MICALL2: variants seen among roughly 807,000 people sequenced by gnomAD.
MICALL2 encodes MICAL-like protein 2.
MICALL2 carries 111 observed loss-of-function variants against 91.1 expected under a neutral mutation model. That is an observed-to-expected ratio of 1.22 (90% CI 1.04 to 1.43). MICALL2 has a LOEUF of 1.43. Ranked by LOEUF, MICALL2 falls within the 40% of genes most tolerant of loss-of-function variation. The pLI is 0.00. For synonymous variants in MICALL2, 694 were observed against 525.3 expected, an observed-to-expected ratio of 1.32 and a Z score of -4.39; for missense variants, 1,556 against 1,236.0, an observed-to-expected ratio of 1.26 and a Z score of -3.88.
rs557306111 is a variant in MICALL2, at chr7:1,450,560, G to A, written c.144-272C>T. On this transcript the variant is annotated intron_variant, in intron 1 of 16. Coordinates refer to ENST00000297508, the MANE Select transcript of MICALL2 (RefSeq NM_182924.4). ...CAGGCCGCCCCTCACCAGTGCTCCT[G>A]CCACAGTCAGAGGTGGCAGGAAGCA... is the stretch of plus-strand genomic sequence containing the variant. The A allele has an allele frequency of 2.8e-5, 12 of 423,936 alleles. No homozygotes were observed. The South Asian group carries it at 2.8e-4, about 10-fold the overall frequency. 26.3% of individuals were successfully genotyped at this position (423,936 alleles called of 1,614,324 possible).
rs117477327 is a variant in MICALL2, at chr7:1,441,233, C to T, written c.1712-549G>A. 878 of 160,262 alleles carry T rather than the reference C, an allele frequency of 5.5e-3. 4 individuals are homozygous for T. Among genetic ancestry groups the T allele is most frequent in the Non-Finnish European group, 9.4e-3 (677 of 72,182 alleles). 9.9% of individuals were successfully genotyped at this position (160,262 alleles called of 1,614,324 possible). ...GCCAGTTTCCTGCAGTGGGGCGAGG[C>T]GGGGGGACTCGGCTGCCCCCAGGTT... On this transcript the variant is annotated intron_variant, in intron 7 of 16. Coordinates refer to ENST00000297508, the MANE Select transcript of MICALL2 (RefSeq NM_182924.4).
intron 3 of MICALL2, 185 bp from the exon 4 acceptor site, chr7:1,447,950 T>C: frequency 2.3e-6 from 1 of 439,488 alleles, no homozygotes; most frequent in Non-Finnish European, 4.0e-6. Flanking sequence ...CCCCACTCCT[T>C]CCCTCCCCAC....
chr7:1,440,055 C>G lies in MICALL2; in HGVS notation c.1836G>C (p.Leu612=). The G allele has an allele frequency of 1.9e-6, 3 of 1,586,414 alleles. No individual in the cohort carries two copies. The highest frequency in any genetic ancestry group is 2.3e-5 in the South Asian group (2 of 86,968). Residue 612 remains leucine, a synonymous_variant, in exon 9 of 17, where the codon CTG becomes CTC. Transcript: ENST00000297508. ...GGGCCTCCCCCGCCCTCGGCTCTGC[C>G]AGGGCCCGTGGTTCCTTGGGCTTCA... The part of the protein sequence containing the change: ...RTLKPKEPRA[L]AEPRAGEAPR...
chr7:1,455,760 G>T (rs111819409), intron 1 of MICALL2, among the ~76,000 whole-genome samples: 1 of 152,082 alleles, frequency 6.6e-6, no homozygotes, highest in African/African-American at 2.4e-5. Context: ...TGCTCTCTGC[G>T]TGCAGCAGGA....
chr7:1,445,842 G>GGTCCCC (rs1780549392), intron 5 of MICALL2, among the ~76,000 whole-genome samples: 3 of 152,236 alleles, frequency 2.0e-5, no homozygotes, highest in East Asian at 3.9e-4. Context: ...CAGCCTTGCA[G>GGTCCCC]AGCTGGGGAC....
chr7:1,453,397 C>T (rs1780905463), intron 1 of MICALL2, among the ~76,000 whole-genome samples: 1 of 152,104 alleles, frequency 6.6e-6, no homozygotes, highest in Non-Finnish European at 1.5e-5. Context: ...CACCCCAGAG[C>T]CAAGGAGAGA....
chr7:1,458,286 G>A (rs2128527214), intron 1 of MICALL2, among the ~76,000 whole-genome samples: 3 of 152,286 alleles, frequency 2.0e-5, no homozygotes, highest in Non-Finnish European at 4.4e-5. Flanking sequence ...CCTGACAGAG[G>A]CCCCAGGTGC....
intron 1 of MICALL2, 47 bp downstream of exon 1, chr7:1,459,137 G>T: frequency 6.4e-7 from 1 of 1,562,898 alleles, no homozygotes; most frequent in Non-Finnish European, 8.7e-7. Context: ...CCGTGTCAGC[G>T]CGCAGCCGAA....
chr7:1,454,752 C>G (rs908521830), intron 1 of MICALL2, among the ~76,000 whole-genome samples: 4 of 152,136 alleles, frequency 2.6e-5, no homozygotes, highest in Non-Finnish European at 5.9e-5. Flanking sequence ...GAAGTGAGGG[C>G]ACTGCCTGGG....
At chr7:1,447,918 T>C (rs1351649870) in intron 3 of MICALL2, 153 bp from the exon 4 acceptor site, 1 of 535,148 alleles carries the variant, frequency 1.9e-6, no homozygotes, top group African/African-American at 2.0e-5. Context: ...GGGCACTTTT[T>C]CTGGCACAGC....
Position 1,452,260 on chromosome 7 carries a change from G to A in MICALL2, c.144-1972C>T, listed in dbSNP as rs955179560. 2.6e-5 allele frequency among the ~76,000 whole-genome samples: 4 copies of A among 152,190 alleles called. No individual in the cohort carries two copies. Among genetic ancestry groups the A allele is most frequent in the African/African-American group, 7.2e-5 (3 of 41,450 alleles). On this transcript the variant is annotated intron_variant, in intron 1 of 16. Transcript: ENST00000297508. The surrounding 1 kb of genome is among the most constrained non-coding windows in gnomAD (Gnocchi z 6.2). ...CCCTGGGCTCAGTGGCAGCGAAAGC[G>A]GTTTCCGTCTGCTCGGGCCTGGGCC...
At chr7:1,435,732 C>T (rs976373016) in intron 15 of MICALL2, among the ~76,000 whole-genome samples, 4 of 152,210 alleles carry the variant, frequency 2.6e-5, no homozygotes, top group East Asian at 1.9e-4. Flanking sequence ...AGCCAGGAGA[C>T]GCACGTGGCC....
At chr7:1,439,687 GCA>G (rs1226414395) in intron 9 of MICALL2, 10 of 417,094 alleles carry the variant, frequency 2.4e-5, no homozygotes, top group South Asian at 7.8e-5. Flanking sequence ...GTACACATGC[GCA>G]CACATGCATC....
chr7:1,445,194 G>A lies in MICALL2; in HGVS notation c.876C>T (p.Gly292=), dbSNP rs1203521255. ...ARPSAWEPAA[G]NSPARASVPA... Reference sequence around the variant, plus strand: ...GAACGGAAGCCCTGGCAGGCGAGTTGCCCGCAGCAGGCTCCCAGGCCGACG... The same window carrying A: ...GAACGGAAGCCCTGGCAGGCGAGTTACCCGCAGCAGGCTCCCAGGCCGACG... The change falls in exon 6 of 17, where the codon GGC becomes GGT. Residue 292 remains glycine, a synonymous_variant. Transcript: ENST00000297508. 6.3e-7 allele frequency: 1 copy of A among 1,596,812 alleles called. No individual in the cohort carries two copies. Among genetic ancestry groups the A allele is most frequent in the South Asian group, 1.1e-5 (1 of 88,722 alleles).
chr7:1,437,561 T>C lies in MICALL2; in HGVS notation c.2450A>G (p.Glu817Gly). Residue 817 changes from glutamate to glycine, a missense_variant, in exon 14 of 17, where the codon GAG (glutamate) becomes GGG (glycine). By Grantham distance (98) the Glu-to-Gly change is moderately conservative (BLOSUM62 -2). Transcript: ENST00000297508. Reference sequence around the variant, plus strand: ...GGGCTTGGCCATGAGCCGGCGCAGCTCGCCCTCGATGTCCAGCTGCTGCTC... The same window carrying C: ...GGGCTTGGCCATGAGCCGGCGCAGCCCGCCCTCGATGTCCAGCTGCTGCTC... ...LEEQQLDIEGELRRLMAKPEA... is the reference protein window; with the variant it reads ...LEEQQLDIEGGLRRLMAKPEA... 1 of 1,533,134 alleles carries C rather than the reference T, an allele frequency of 6.5e-7. No homozygotes were observed. 95.0% of individuals were successfully genotyped at this position (1,533,134 alleles called of 1,614,324 possible).
chr7:1,438,912 G>T lies in MICALL2; in HGVS notation c.2050C>A (p.Pro684Thr), dbSNP rs755669289. The change falls in exon 10 of 17, where the codon CCC (proline) becomes ACC (threonine). Residue 684 changes from proline to threonine, a missense_variant. Physicochemically the swap from Pro to Thr is conservative, Grantham distance 38. Transcript: ENST00000297508. ...DVCDNWLRPE[P>T]PGQEARVQSW... Reference sequence around the variant, plus strand: ...TGCACTCGGGCTTCCTGGCCAGGGGGCTCCGGCCGAAGCCAGTTGTCACAA... The same window carrying T: ...TGCACTCGGGCTTCCTGGCCAGGGGTCTCCGGCCGAAGCCAGTTGTCACAA... 9 of 1,609,096 alleles carry T rather than the reference G, an allele frequency of 5.6e-6. No homozygotes were observed. The Admixed American group carries it at 1.5e-4, about 27-fold the overall frequency.
intron 9 of MICALL2, 102 bp from the exon 10 acceptor site, chr7:1,439,097 TC>T: frequency 1.1e-6 from 1 of 947,928 alleles, no homozygotes; most frequent in Admixed American, 2.5e-5. Context: ...AGCCCGGCCA[TC>T]CCCATGCCCT....
intron 14 of MICALL2, chr7:1,437,070 C>T (rs750728764): frequency 3.7e-5 from 18 of 493,144 alleles, no homozygotes; most frequent in Admixed American, 1.6e-4. Flanking sequence ...CCCATCATCT[C>T]GCAGAAACAC....
chr7:1,436,756 G>A lies in MICALL2; in HGVS notation c.2577C>T (p.Asp859=), dbSNP rs1046703226. ...NDRSDIVDSL[D]EDRLREQEED... ...CTGCCCCTCACCGGAGCCGGTCCTC[G>A]TCCAGCGAGTCCACGATGTCACTGC... is the stretch of plus-strand genomic sequence containing the variant. The change falls in exon 15 of 17, where the codon GAC becomes GAT. Residue 859 remains aspartate (D), a synonymous_variant. Transcript: ENST00000297508. 1.4e-5 allele frequency: 23 copies of A among 1,606,364 alleles called. No homozygotes were observed. The highest frequency in any genetic ancestry group is 8.0e-5 in the African/African-American group (6 of 74,576).
Sources: allele counts gnomAD v4.1 joint callset (sites outside exome capture counted in the v4.1 genomes callset), GRCh38; gene constraint gnomAD v4.1.1; non-coding constraint Gnocchi (gnomAD v3.1); transcripts MANE v1.5; gene names NCBI Gene and HGNC (gene_info 2026-07-23, HGNC 2026-07-21).